Variants in ANKDD1A observed in about 807,000 individuals in gnomAD.
ANKDD1A encodes ankyrin repeat and death domain-containing protein 1A.
In ANKDD1A, 59 loss-of-function variants were observed where a neutral mutation model predicts 63.5. The observed-to-expected ratio is 0.93, with a 90% CI of 0.75 to 1.15. The LOEUF is 1.15. ANKDD1A is among the 50% of genes most tolerant of loss of function. The probability of loss-of-function intolerance (pLI) is 0.00; values close to 1 mark genes in which losing one functional copy is unlikely to be tolerated. For missense variants in ANKDD1A, 632 were observed against 656.4 expected, an observed-to-expected ratio of 0.96 and a Z score of 0.41; for synonymous variants, 266 against 263.9, an observed-to-expected ratio of 1.01 and a Z score of -0.08.
intron 14 of ANKDD1A, among the ~76,000 whole-genome samples, chr15:64,954,376 T>TC (rs2085383491): frequency 1.5e-5 from 2 of 137,822 alleles, no homozygotes. Context: ...TCTTCTTCCT[T>TC]TTCTTTTCTT....
chr15:64,931,426 T>C, intron 7 of ANKDD1A, 61 bp from the exon 8 acceptor site: 1 of 1,518,982 alleles, frequency 6.6e-7, no homozygotes, highest in Non-Finnish European at 9.0e-7. Flanking sequence ...CACCGTGGGA[T>C]TGGGGGTCAC....
At chr15:64,921,605 C>T (rs774614472) in intron 3 of ANKDD1A, among the ~76,000 whole-genome samples, 16 of 152,210 alleles carry the variant, frequency 1.1e-4, no homozygotes, top group Non-Finnish European at 1.5e-4. Flanking sequence ...GAACTCCTGA[C>T]CTCATGTGAT....
At position 64,930,864 on chromosome 15, in the gene ANKDD1A, A is replaced by G. The variant is rs781263361; in HGVS notation, c.613A>G (p.Met205Val). 3.7e-6 allele frequency: 6 copies of G among 1,613,046 alleles called. No individual in the cohort carries two copies. The highest frequency in any genetic ancestry group is 2.2e-5 in the South Asian group (2 of 90,926). ...TCATCTGGCTGCTGGTCGGGGCCAT[A>G]TGGCTGTGCTGCAGCGACTTGTGGA... ...ALHLAAGRGH[M>V]AVLQRLVDIG... The change falls in exon 7 of 15, where the codon ATG (methionine) becomes GTG (valine). Residue 205 changes from methionine (M) to valine (V), a missense_variant. By Grantham distance (21) the Met-to-Val change is conservative. Transcript: ENST00000319580.
chr15:64,924,514 C>T (rs2085031550), intron 4 of ANKDD1A, among the ~76,000 whole-genome samples: 1 of 152,240 alleles, frequency 6.6e-6, no homozygotes, highest in African/African-American at 2.4e-5. Context: ...CAAAGGGATT[C>T]ATCTTACCTA....
Position 64,949,958 on chromosome 15 carries a change from G to A in ANKDD1A, c.1469G>A (p.Arg490Lys), listed in dbSNP as rs775777323. 17 of 1,609,906 alleles carry A rather than the reference G, an allele frequency of 1.1e-5. No homozygotes were observed. The South Asian group carries it at 1.4e-4, about 14-fold the overall frequency. The change falls in exon 14 of 15, where the codon AGG becomes AAG. Residue 490 changes from arginine to lysine, a missense_variant. Transcript: ENST00000319580. ...ALFEGLVAIGRRDLAGWSTMA... is the reference protein window; with the variant it reads ...ALFEGLVAIGKRDLAGWSTMA... The stretch of plus-strand genomic sequence containing the variant: ...TTCGAGGGCCTCGTGGCCATTGGCA[G>A]GAGGGACCTGGCTGGTAAGAGCGTA...
chr15:64,955,315 C>G (rs1449935154), intron 14 of ANKDD1A, among the ~76,000 whole-genome samples: 1 of 152,140 alleles, frequency 6.6e-6, no homozygotes, highest in Non-Finnish European at 1.5e-5. Context: ...ATGGGGTGTT[C>G]CATCTTCTGC....
intron 4 of ANKDD1A, chr15:64,922,223 A>T: frequency 1.8e-6 from 1 of 557,858 alleles, no homozygotes; most frequent in Non-Finnish European, 3.2e-6. Flanking sequence ...TGGCCTCCTT[A>T]TTTACAAGAG....
intron 12 of ANKDD1A, 146 bp downstream of exon 12, chr15:64,944,893 C>T: frequency 1.3e-6 from 1 of 751,536 alleles, no homozygotes; most frequent in Non-Finnish European, 2.1e-6. Flanking sequence ...TATGTTACCA[C>T]AGTTGTTTGT....
intron 4 of ANKDD1A, chr15:64,922,518 C>G (rs2085015150): frequency 6.6e-6 from 1 of 152,536 alleles, no homozygotes; most frequent in African/African-American, 2.4e-5. Context: ...GCAAACATTT[C>G]TGGGCCAAAT....
chr15:64,951,786 TTCC>T (rs1347218331), intron 14 of ANKDD1A, among the ~76,000 whole-genome samples: 2 of 146,024 alleles, frequency 1.4e-5, no homozygotes, highest in South Asian at 2.8e-4. Flanking sequence ...TCCTTTCTTC[TTCC>T]TTCTTTCTTT....
At position 64,934,210 on chromosome 15, in the gene ANKDD1A, A is replaced by AG. The variant is rs2085110232; in HGVS notation, c.845dup (p.Cys283LeufsTer6). 1 of 1,612,336 alleles carries AG rather than the reference A, an allele frequency of 6.2e-7. No homozygotes were observed. The highest frequency in any genetic ancestry group is 2.2e-5 in the East Asian group (1 of 44,828). On this transcript the variant is annotated frameshift_variant, in exon 9 of 15. Coordinates refer to ENST00000319580, the MANE Select transcript of ANKDD1A (RefSeq NM_182703.6). LOFTEE classifies it high-confidence loss of function. ...TGTCTCGGGTCCTCATCCACGCAGG[A>AG]GGCTGCGCCAACGTGGTTGATCATG... is the stretch of plus-strand genomic sequence containing the variant.
chr15:64,931,561 G>A lies in ANKDD1A; in HGVS notation c.744G>A (p.Gly248=), dbSNP rs2085091468. ...PDCVQLLLRA[G]STVNALTQKN... ...GTGTGCAGCTCCTCCTCAGGGCTGGGAGCACCGTGAATGCCCTCACCCAGG... is the reference window on the plus strand; with the variant it reads ...GTGTGCAGCTCCTCCTCAGGGCTGGAAGCACCGTGAATGCCCTCACCCAGG... The change falls in exon 8 of 15, where the codon GGG becomes GGA. Residue 248 remains glycine (G), a synonymous_variant. Coordinates refer to ENST00000319580, the MANE Select transcript of ANKDD1A (RefSeq NM_182703.6). The A allele has an allele frequency of 1.2e-6, 2 of 1,613,858 alleles. No homozygotes were observed. The highest frequency in any genetic ancestry group is 1.6e-4 in the Middle Eastern group (1 of 6,080).
At chr15:64,951,373 C>A in intron 14 of ANKDD1A, 2 of 432,852 alleles carry the variant, frequency 4.6e-6, no homozygotes, top group Non-Finnish European at 5.8e-6. Flanking sequence ...CCTCTTTCTT[C>A]TTTCTTTTTC....
chr15:64,956,478 G>A (rs371953869), intron 14 of ANKDD1A, among the ~76,000 whole-genome samples: 6 of 152,184 alleles, frequency 3.9e-5, no homozygotes, highest in East Asian at 3.9e-4. Context: ...GCATGAACCC[G>A]GGAGACAGAG....
At chr15:64,956,079 A>G (rs958909602) in intron 14 of ANKDD1A, among the ~76,000 whole-genome samples, 2 of 152,144 alleles carry the variant, frequency 1.3e-5, no homozygotes, top group Non-Finnish European at 2.9e-5. Flanking sequence ...TTATGGAAAG[A>G]GCTCCAGGAT....
At chr15:64,951,753 C>CCTTCTTTCCTTTTCTT (rs998932664) in intron 14 of ANKDD1A, among the ~76,000 whole-genome samples, 1 of 81,380 alleles carries the variant, frequency 1.2e-5, no homozygotes, top group African/African-American at 4.3e-5. Context: ...TCCTCTTCTT[C>CCTTCTTTCCTTTTCTT]CTTCTTTCCT....
chr15:64,938,523 A>G (rs971554329), intron 9 of ANKDD1A, among the ~76,000 whole-genome samples: 1 of 152,236 alleles, frequency 6.6e-6, no homozygotes, highest in Non-Finnish European at 1.5e-5. Context: ...TTGACAAGTA[A>G]TTCTCAAAAT....
At chr15:64,924,183 A>G (rs960768420) in intron 4 of ANKDD1A, among the ~76,000 whole-genome samples, 1 of 152,094 alleles carries the variant, frequency 6.6e-6, no homozygotes, top group Non-Finnish European at 1.5e-5. Flanking sequence ...GAAGGGTTGG[A>G]ATGTCTGGGA....
In ANKDD1A at chr15:64,957,572, C is replaced by T. The variant is rs1422743838; in HGVS notation, c.*384C>T. On this transcript the variant is annotated 3_prime_UTR_variant, in exon 15 of 15. Coordinates refer to ENST00000319580, the MANE Select transcript of ANKDD1A (RefSeq NM_182703.6). ...TAAAGTTGGACTTGGAAAATTTGGACAGCCATTTGCCATTGTAATTTTTAT... is the reference window on the plus strand; with the variant it reads ...TAAAGTTGGACTTGGAAAATTTGGATAGCCATTTGCCATTGTAATTTTTAT... The T allele has an allele frequency of 1.3e-5, 2 of 152,526 alleles. No individual in the cohort carries two copies. Among genetic ancestry groups the T allele is most frequent in the African/African-American group, 4.8e-5 (2 of 41,440 alleles). The allele number at this position is 152,526 out of a possible 1,614,324, so 9.4% of individuals were successfully genotyped here. A position where few individuals can be genotyped will look rare whatever the true frequency, so the allele number is the denominator to read the frequency against.
Sources: allele counts gnomAD v4.1 joint callset (sites outside exome capture counted in the v4.1 genomes callset), GRCh38; gene constraint gnomAD v4.1.1; transcripts MANE v1.5; gene names NCBI Gene and HGNC (gene_info 2026-07-23, HGNC 2026-07-21).